Variants in TMEM108 observed in about 807,000 individuals in gnomAD.
The protein encoded by TMEM108 is cancer/testis antigen 124.
A neutral mutation model predicts 35.1 loss-of-function variants in TMEM108; 12 were observed. The observed-to-expected ratio is 0.34, with a 90% CI of 0.22 to 0.55. The LOEUF is 0.55. TMEM108 is among the 20% of genes least tolerant of loss of function. The probability of loss-of-function intolerance (pLI) is 0.89; values close to 1 mark genes in which losing one functional copy is unlikely to be tolerated. For missense variants in TMEM108, 680 were observed against 753.3 expected, an observed-to-expected ratio of 0.90 and a Z score of 1.14; for synonymous variants, 287 against 308.6, an observed-to-expected ratio of 0.93 and a Z score of 0.73.
chr3:133,040,467 T>G (rs1033173554), intron 1 of TMEM108, among the ~76,000 whole-genome samples: 11 of 151,960 alleles, frequency 7.2e-5, no homozygotes, highest in Non-Finnish European at 1.3e-4. Context: ...CCTCCCAAAG[T>G]GCTGGGATTA....
rs553349064 is a variant in TMEM108, at chr3:133,215,015, A to G, written c.-46-14251A>G. 8.6e-4 allele frequency among the ~76,000 whole-genome samples: 131 copies of G among 152,256 alleles called. 1 individual carries two copies. The highest frequency in any genetic ancestry group is 1.6e-3 in the Non-Finnish European group (107 of 68,030). On this transcript the variant is annotated intron_variant, in intron 2 of 5. Transcript: ENST00000321871. ...AAAAGGTTGGGGGCTGCTATTGTAT[A>G]TAGTCTCCATGAATGTTGAATTATC...
intron 2 of TMEM108, among the ~76,000 whole-genome samples, chr3:133,144,383 T>C (rs540668029): frequency 6.6e-6 from 1 of 152,138 alleles, no homozygotes; most frequent in Non-Finnish European, 1.5e-5. Flanking sequence ...TGAGGGGCAT[T>C]TGGGTTGGTT....
intron 2 of TMEM108, among the ~76,000 whole-genome samples, chr3:133,116,662 G>A (rs1330857035): frequency 6.6e-6 from 1 of 152,140 alleles, no homozygotes; most frequent in Non-Finnish European, 1.5e-5. Context: ...ATTGACTTGG[G>A]TTCAGCATAA....
In TMEM108 at chr3:133,287,928, T is replaced by C. The variant is rs369117955; in HGVS notation, c.40+58577T>C. Reference sequence around the variant, plus strand: ...TGCTGTAGCATAAAAATCAAAGATATACTTTATGTTCCCAACGTCATCCCT... The same window carrying C: ...TGCTGTAGCATAAAAATCAAAGATACACTTTATGTTCCCAACGTCATCCCT... On this transcript the variant is annotated intron_variant, in intron 3 of 5. Transcript: ENST00000321871. Among the ~76,000 whole-genome samples, 5 of 152,306 alleles carry C rather than the reference T, an allele frequency of 3.3e-5. No individual in the cohort carries two copies. The South Asian group carries it at 6.2e-4, about 19-fold the overall frequency.
chr3:133,180,725 G>C (rs532729724), intron 2 of TMEM108, among the ~76,000 whole-genome samples: 1 of 151,970 alleles, frequency 6.6e-6, no homozygotes, highest in African/African-American at 2.4e-5. Context: ...ATAAATATTT[G>C]CAGCTTGATC....
intron 2 of TMEM108, among the ~76,000 whole-genome samples, chr3:133,153,455 G>A (rs1460338710): frequency 1.3e-5 from 2 of 152,148 alleles, no homozygotes; most frequent in African/African-American, 2.4e-5. Context: ...AATAAGTACT[G>A]TTATTATCCC....
intron 2 of TMEM108, among the ~76,000 whole-genome samples, chr3:133,214,690 C>T (rs1249817685): frequency 6.6e-6 from 1 of 152,154 alleles, no homozygotes; most frequent in East Asian, 1.9e-4. Flanking sequence ...AACCCCTGGG[C>T]CACAGACTGG....
chr3:133,378,621 C>A, intron 3 of TMEM108: 1 of 865,614 alleles, frequency 1.2e-6, no homozygotes, highest in Non-Finnish European at 1.4e-6. Context: ...TCTTCCCAAC[C>A]CATGTGTTGT....
At chr3:133,164,114 A>G (rs1168520843) in intron 2 of TMEM108, among the ~76,000 whole-genome samples, 1 of 151,860 alleles carries the variant, frequency 6.6e-6, no homozygotes, top group Non-Finnish European at 1.5e-5. Context: ...TCTTAGATCA[A>G]TTTATAGAAT....
chr3:133,387,762 G>A (rs759773703), intron 4 of TMEM108: 87 of 881,426 alleles, frequency 9.9e-5, no homozygotes, highest in Non-Finnish European at 1.2e-4. Flanking sequence ...GGAAGCTGAC[G>A]CTGAGAGAGG....
rs140467509 is a variant in TMEM108, at chr3:133,174,331, G to A, written c.-46-54935G>A. Among the ~76,000 whole-genome samples the A allele has an allele frequency of 1.8e-3, 273 of 152,294 alleles. 1 individual carries two copies. Among genetic ancestry groups the A allele is most frequent in the African/African-American group, 6.1e-3 (253 of 41,572 alleles). On this transcript the variant is annotated intron_variant, in intron 2 of 5. Coordinates refer to ENST00000321871, the MANE Select transcript of TMEM108 (RefSeq NM_023943.4). ...GTCTGACAGCTTTGAAGAGAGTAGA[G>A]GTTCTCTGAGCACGCAGCTGGAGAT...
intron 2 of TMEM108, among the ~76,000 whole-genome samples, chr3:133,175,169 G>A (rs1576361843): frequency 6.6e-6 from 1 of 152,164 alleles, no homozygotes; most frequent in South Asian, 2.1e-4. Flanking sequence ...AGAAATATGG[G>A]ACTATGTGAA....
chr3:133,259,889 T>C (rs549701747), intron 3 of TMEM108, among the ~76,000 whole-genome samples: 1 of 152,328 alleles, frequency 6.6e-6, no homozygotes, highest in South Asian at 2.1e-4. Flanking sequence ...CAGTGCAGAA[T>C]AGGCGGATGC....
chr3:133,326,968 A>G (rs1273902986), intron 3 of TMEM108, among the ~76,000 whole-genome samples: 1 of 152,234 alleles, frequency 6.6e-6, no homozygotes, highest in Non-Finnish European at 1.5e-5. Flanking sequence ...AGAATGAATG[A>G]GTTTAACAGA....
intron 3 of TMEM108, among the ~76,000 whole-genome samples, chr3:133,364,108 T>C (rs146860230): frequency 2.0e-5 from 3 of 152,348 alleles, no homozygotes; most frequent in Non-Finnish European, 4.4e-5. Flanking sequence ...GCTACTGTTA[T>C]AATTCTCATT....
chr3:133,297,895 GTTGATGTTGGTA>G (rs1947168736), intron 3 of TMEM108, among the ~76,000 whole-genome samples: 2 of 152,326 alleles, frequency 1.3e-5, no homozygotes, highest in Middle Eastern at 3.4e-3. Context: ...GGTAGTTTGT[GTTGATGTTGGTA>G]TTGACACCTC....
chr3:133,061,819 G>A lies in TMEM108; in HGVS notation c.-47+15799G>A, dbSNP rs145862385. 2.5e-3 allele frequency among the ~76,000 whole-genome samples: 376 copies of A among 152,298 alleles called. 1 individual carries two copies. The highest frequency in any genetic ancestry group is 8.5e-3 in the African/African-American group (355 of 41,556). ...ACCCACCAAGGAGAAATTTTATAAT[G>A]GCATGTGGATTCAGATTTATCACTT... On this transcript the variant is annotated intron_variant, in intron 2 of 5. Coordinates refer to ENST00000321871, the MANE Select transcript of TMEM108 (RefSeq NM_023943.4).
In TMEM108 at chr3:133,396,065, AACC is replaced by A; in HGVS notation, c.*80_*82del. The A allele has an allele frequency of 9.4e-7, 1 of 1,064,560 alleles. No homozygotes were observed. Among genetic ancestry groups the A allele is most frequent in the Non-Finnish European group, 1.2e-6 (1 of 839,852 alleles). 65.9% of individuals were successfully genotyped at this position (1,064,560 alleles called of 1,614,324 possible). A position where few individuals can be genotyped will look rare whatever the true frequency, so the allele number is the denominator to read the frequency against. ...ATACAAATACATATATTATAAATAT[AACC>A]TTTGTGTAACCCTGACTTAATGAGA... On this transcript the variant is annotated 3_prime_UTR_variant, in exon 6 of 6. Coordinates refer to ENST00000321871, the MANE Select transcript of TMEM108 (RefSeq NM_023943.4).
At chr3:133,277,803 C>A (rs1258740298) in intron 3 of TMEM108, among the ~76,000 whole-genome samples, 1 of 152,214 alleles carries the variant, frequency 6.6e-6, no homozygotes, top group African/African-American at 2.4e-5. Flanking sequence ...TTAAATATGT[C>A]TTTGTTTCCA....
Sources: allele counts gnomAD v4.1 joint callset (sites outside exome capture counted in the v4.1 genomes callset), GRCh38; gene constraint gnomAD v4.1.1; transcripts MANE v1.5; gene names NCBI Gene and HGNC (gene_info 2026-07-23, HGNC 2026-07-21).